ERBB4: variants seen among roughly 807,000 people sequenced by gnomAD.
ERBB4 encodes the protein erb-b2 receptor tyrosine kinase 4.
A neutral mutation model predicts 158.0 loss-of-function variants in ERBB4; 42 were observed. That is an observed-to-expected ratio of 0.27 (90% CI 0.21 to 0.34). The LOEUF (loss-of-function observed/expected upper bound fraction) is 0.34, where lower values mean the gene tolerates loss of function less well. ERBB4 is among the 10% of genes least tolerant of loss of function. The pLI is 1.00. For missense variants in ERBB4, 1,333 were observed against 1,624.1 expected (o/e 0.82, Z 3.08); for synonymous variants, 583 against 558.7 (o/e 1.04, Z -0.61).
chr2:211,709,227 G>A (rs928137157), intron 9 of ERBB4, among the ~76,000 whole-genome samples: 5 of 44,278 alleles, frequency 1.1e-4, no homozygotes, highest in South Asian at 5.3e-4. Context: ...ATATATATGC[G>A]TGTGTGTGTA....
intron 3 of ERBB4, among the ~76,000 whole-genome samples, chr2:211,944,179 A>ATATATATATAG (rs1347187880): frequency 1.8e-4 from 1 of 5,412 alleles, no homozygotes; most frequent in Non-Finnish European, 3.6e-4. Context: ...TATATATACT[A>ATATATATATAG]TATATATATA....
At chr2:211,507,864 A>T (rs141596862) in intron 20 of ERBB4, among the ~76,000 whole-genome samples, 56,885 of 151,930 alleles carry the variant, frequency 0.37, 11,006 homozygotes, top group African/African-American at 0.46. Flanking sequence ...GACAAACCTG[A>T]CAAAAACAAG....
intron 3 of ERBB4, among the ~76,000 whole-genome samples, chr2:211,944,164 CTATATATATATACTATATATA>C (rs1559154238): frequency 9.9e-6 from 1 of 100,894 alleles, no homozygotes; most frequent in African/African-American, 4.2e-5. Context: ...TATATATACA[CTATATATATATACTATATATA>C]TATATATATA....
chr2:211,817,299 G>C (rs1431843782), intron 3 of ERBB4, among the ~76,000 whole-genome samples: 1 of 152,144 alleles, frequency 6.6e-6, no homozygotes, highest in South Asian at 2.1e-4. Context: ...AGAAGGGAAA[G>C]GAAACCTTTA....
intron 1 of ERBB4, among the ~76,000 whole-genome samples, chr2:212,432,483 C>T (rs1214183788): frequency 1.3e-5 from 2 of 152,000 alleles, no homozygotes; most frequent in Non-Finnish European, 2.9e-5. Flanking sequence ...AATGGGTGCT[C>T]TCTCTATATA....
At chr2:212,060,615 C>G (rs185729021) in intron 2 of ERBB4, among the ~76,000 whole-genome samples, 5 of 54,980 alleles carry the variant, frequency 9.1e-5, no homozygotes, top group East Asian at 4.3e-3. Context: ...ATACACCATG[C>G]AATACTATGC....
At chr2:212,513,626 C>G (rs552482119) in intron 1 of ERBB4, among the ~76,000 whole-genome samples, 13 of 152,052 alleles carry the variant, frequency 8.5e-5, no homozygotes, top group Non-Finnish European at 1.6e-4. Flanking sequence ...TCTTGGCTAA[C>G]ACGGTGAAGC....
intron 20 of ERBB4, among the ~76,000 whole-genome samples, chr2:211,437,430 G>C (rs759431448): frequency 5.9e-5 from 9 of 152,292 alleles, no homozygotes; most frequent in East Asian, 1.9e-4. Context: ...AACAGAGAAT[G>C]ACTTAATTTT....
At chr2:211,748,664 T>C (rs1409945044) in intron 5 of ERBB4, among the ~76,000 whole-genome samples, 4 of 152,168 alleles carry the variant, frequency 2.6e-5, no homozygotes, top group Non-Finnish European at 5.9e-5. Context: ...ACAAGGAGCT[T>C]TTGCAGAAGC....
Position 212,164,296 on chromosome 2 carries a change from T to TAA in ERBB4, c.83-39395_83-39394dup, listed in dbSNP as rs11386427. Among the ~76,000 whole-genome samples the TAA allele has an allele frequency of 8.7e-4, 132 of 151,750 alleles. No homozygotes were observed. In the East Asian group the frequency reaches 0.016, roughly 18 times the overall value. On this transcript the variant is annotated intron_variant, in intron 1 of 27. Transcript: ENST00000342788. ...AGATTTCAAAGACGTATGATATTTT[T>TAA]AAAAAAACAACAAAATATAAAGTAT... is the stretch of plus-strand genomic sequence containing the variant.
intron 1 of ERBB4, among the ~76,000 whole-genome samples, chr2:212,129,972 A>C (rs1486460317): frequency 6.6e-6 from 1 of 152,066 alleles, no homozygotes; most frequent in Non-Finnish European, 1.5e-5. Flanking sequence ...AGGCTCATAG[A>C]AATCATTTGT....
intron 16 of ERBB4, among the ~76,000 whole-genome samples, chr2:211,643,659 G>A (rs980844882): frequency 1.1e-4 from 17 of 151,908 alleles, no homozygotes; most frequent in Non-Finnish European, 2.2e-4. Flanking sequence ...TACTATCTCT[G>A]GTGCTTCTAT....
intron 1 of ERBB4, among the ~76,000 whole-genome samples, chr2:212,219,543 C>T (rs2083220930): frequency 2.0e-5 from 3 of 151,220 alleles, no homozygotes; most frequent in Non-Finnish European, 4.4e-5. Flanking sequence ...GTCACCTTCT[C>T]CCACTTGTGT....
At chr2:212,308,743 G>T (rs1272449275) in intron 1 of ERBB4, among the ~76,000 whole-genome samples, 1 of 150,946 alleles carries the variant, frequency 6.6e-6, no homozygotes, top group African/African-American at 2.4e-5. Context: ...GTATTTCCTT[G>T]AGGGTAAAGT....
intron 1 of ERBB4, among the ~76,000 whole-genome samples, chr2:212,531,598 A>T (rs1692761028): frequency 6.6e-6 from 1 of 152,146 alleles, no homozygotes; most frequent in Non-Finnish European, 1.5e-5. Context: ...CCATCAACTA[A>T]CTGGTGATGA....
chr2:211,989,819 C>T (rs116597793), intron 2 of ERBB4, among the ~76,000 whole-genome samples: 3,334 of 152,072 alleles, frequency 0.022, 56 homozygotes, highest in Middle Eastern at 0.048. Flanking sequence ...ACAGCATTCA[C>T]TTTCCTAACT....
chr2:211,956,319 G>T (rs1164004106), intron 2 of ERBB4, among the ~76,000 whole-genome samples: 1 of 152,060 alleles, frequency 6.6e-6, no homozygotes, highest in South Asian at 2.1e-4. Flanking sequence ...AGATAGAGCT[G>T]AAGTAAAAAG....
chr2:212,315,203 A>T (rs577045338), intron 1 of ERBB4, among the ~76,000 whole-genome samples: 1 of 151,504 alleles, frequency 6.6e-6, no homozygotes, highest in South Asian at 2.1e-4. Flanking sequence ...TAAAAGTATA[A>T]TATTATTTTG....
intron 20 of ERBB4, among the ~76,000 whole-genome samples, chr2:211,480,008 T>G (rs1193793395): frequency 6.6e-6 from 1 of 152,184 alleles, no homozygotes; most frequent in African/African-American, 2.4e-5. Context: ...ATAGGTATGC[T>G]GAAGTGTGGC....
Sources: gnomAD v4.1 joint callset for allele counts (sites outside exome capture counted in the v4.1 genomes callset) on GRCh38, gnomAD v4.1.1 for gene constraint, MANE v1.5 for transcripts, NCBI Gene and HGNC (gene_info 2026-07-23, HGNC 2026-07-21) for gene names.